Variants in STAM2 observed in about 807,000 individuals in gnomAD.
STAM2 encodes signal transducing adaptor molecule 2.
In STAM2, 51 loss-of-function variants were observed where a neutral mutation model predicts 65.6. The observed-to-expected ratio is 0.78, with a 90% CI of 0.62 to 0.98. The LOEUF is 0.98. Ranked by LOEUF, STAM2 falls within the 50% of genes least tolerant of loss-of-function variation. STAM2 has a pLI of 0.00. For synonymous variants in STAM2, 198 were observed against 208.4 expected (o/e 0.95, Z 0.43); for missense variants, 584 against 617.8 (o/e 0.95, Z 0.58).
In STAM2 at chr2:152,139,382, T is replaced by C. The variant is rs534230887; in HGVS notation, c.705-3779A>G. ...AGGCTAAGCACTGAAATTACAAAGA[T>C]AATTAAGACACCATTTGTGCCCTCA... On this transcript the variant is annotated intron_variant, in intron 7 of 13. Transcript: ENST00000263904. Among the ~76,000 whole-genome samples the C allele has an allele frequency of 9.9e-5, 15 of 152,246 alleles. 1 individual carries two copies. The South Asian group carries it at 3.1e-3, about 32-fold the overall frequency.
Position 152,149,614 on chromosome 2 carries a change from C to T in STAM2, c.125+531G>A, listed in dbSNP as rs549172190. 2.6e-5 allele frequency among the ~76,000 whole-genome samples: 4 copies of T among 151,640 alleles called. No individual in the cohort carries two copies. The South Asian group carries it at 8.3e-4, about 32-fold the overall frequency. On this transcript the variant is annotated intron_variant, in intron 2 of 13. Coordinates refer to ENST00000263904, the MANE Select transcript of STAM2 (RefSeq NM_005843.6). Reference sequence around the variant, plus strand: ...CTGGGTTCAAGCGATTTTCCTGTCTCAGCATCTCAAGTAGCTGGGATTACA... The same window carrying T: ...CTGGGTTCAAGCGATTTTCCTGTCTTAGCATCTCAAGTAGCTGGGATTACA...
chr2:152,173,394 A>G (rs1689937320), intron 1 of STAM2, among the ~76,000 whole-genome samples: 1 of 145,520 alleles, frequency 6.9e-6, no homozygotes, highest in African/African-American at 2.5e-5. Context: ...ATATGTATAC[A>G]TATATATATA....
At chr2:152,144,841 C>A (rs1315270121) in intron 6 of STAM2, 47 bp downstream of exon 6, 1 of 1,553,460 alleles carries the variant, frequency 6.4e-7, no homozygotes, top group African/African-American at 1.4e-5. Context: ...CCAGCCCTGG[C>A]AAAGATATTT....
At chr2:152,171,742 T>C (rs1689902212) in intron 1 of STAM2, among the ~76,000 whole-genome samples, 1 of 152,212 alleles carries the variant, frequency 6.6e-6, no homozygotes, top group African/African-American at 2.4e-5. Context: ...CAGAGTTTTG[T>C]AGAGGTAGAA....
intron 1 of STAM2, among the ~76,000 whole-genome samples, chr2:152,164,622 G>A (rs756495564): frequency 6.6e-6 from 1 of 152,162 alleles, no homozygotes; most frequent in East Asian, 1.9e-4. Context: ...GATTAAAAGC[G>A]TGAGCCACTG....
At chr2:152,144,635 T>G in intron 6 of STAM2, 1 of 322,400 alleles carries the variant, frequency 3.1e-6, no homozygotes, top group Non-Finnish European at 5.8e-6. Context: ...GCCTCCTGGG[T>G]TCAAGCGATT....
At chr2:152,141,735 C>T (rs1262451645) in intron 7 of STAM2, among the ~76,000 whole-genome samples, 4 of 151,666 alleles carry the variant, frequency 2.6e-5, no homozygotes, top group East Asian at 4.0e-4. Context: ...GGACTACAGG[C>T]GTGCGCCACC....
At chr2:152,155,237 T>C (rs1689520510) in intron 1 of STAM2, among the ~76,000 whole-genome samples, 1 of 152,196 alleles carries the variant, frequency 6.6e-6, no homozygotes, top group African/African-American at 2.4e-5. Flanking sequence ...TGTTGGTTGC[T>C]CCTCCACATC....
In STAM2 at chr2:152,116,870, T is replaced by C. The variant is rs1688756443; in HGVS notation, c.*3704A>G. 6.6e-6 allele frequency: 1 copy of C among 152,250 alleles called. No individual in the cohort carries two copies. The highest frequency in any genetic ancestry group is 2.4e-5 in the African/African-American group (1 of 41,466). The allele number at this position is 152,250 out of a possible 1,614,324, so 9.4% of individuals were successfully genotyped here. A position where few individuals can be genotyped will look rare whatever the true frequency, so the allele number is the denominator to read the frequency against. On this transcript the variant is annotated 3_prime_UTR_variant, in exon 14 of 14. Transcript: ENST00000263904. ...TCATCTTATTAGTTCTGCTGTTAAG[T>C]GCCAAATTCATAAACTTTATCATAG...
chr2:152,133,354 A>C (rs1176131917), intron 9 of STAM2, 48 bp downstream of exon 9: 1 of 1,549,234 alleles, frequency 6.5e-7, no homozygotes, highest in East Asian at 2.2e-5. Context: ...AAGATAGTAC[A>C]TTTAAATGTC....
intron 1 of STAM2, among the ~76,000 whole-genome samples, chr2:152,166,515 G>A (rs1689788736): frequency 6.6e-6 from 1 of 152,030 alleles, no homozygotes; most frequent in South Asian, 2.1e-4. Flanking sequence ...ACACCTATAA[G>A]CAGGTGGCCA....
rs977034794 is a variant in STAM2, at chr2:152,120,394, T to C, written c.*180A>G. On this transcript the variant is annotated 3_prime_UTR_variant, in exon 14 of 14. Transcript: ENST00000263904. ...AAGATTGACTTCAAACAAACTGGAC[T>C]GAAAAAAAAAAAAAAAAAAAACCTT... The C allele has an allele frequency of 4.4e-5, 22 of 494,800 alleles. 1 individual carries two copies. The highest frequency in any genetic ancestry group is 1.1e-3 in the Middle Eastern group (2 of 1,898). The allele number at this position is 494,800 out of a possible 1,614,324, so 30.7% of individuals were successfully genotyped here.
intron 5 of STAM2, among the ~76,000 whole-genome samples, chr2:152,145,288 G>C (rs1326803167): frequency 6.6e-6 from 1 of 152,054 alleles, no homozygotes; most frequent in Non-Finnish European, 1.5e-5. Context: ...GGGCTGATCT[G>C]CAACTCTTAG....
In STAM2 at chr2:152,143,830, T is replaced by A; in HGVS notation, c.701A>T (p.Asp234Val). 6.2e-7 allele frequency: 1 copy of A among 1,607,084 alleles called. No homozygotes were observed. Among genetic ancestry groups the A allele is most frequent in the Non-Finnish European group, 8.5e-7 (1 of 1,176,656 alleles). ...KHGEIIIVLD[D>V]SDANWWKGEN... ...CCCATAAAGATTTAAAACTTACCTG[T>A]CATCCAAAACAATAATTATTTCACC... The change falls in exon 7 of 14, where the codon GAC (aspartate) becomes GTC (valine). Residue 234 changes from aspartate (D) to valine (V), a missense_variant. Coordinates refer to ENST00000263904, the MANE Select transcript of STAM2 (RefSeq NM_005843.6).
rs183002400 is a variant in STAM2 at position 152,168,938 on chromosome 2, G to A, written c.40+6665C>T. Among the ~76,000 whole-genome samples, 5 of 152,268 alleles carry A rather than the reference G, an allele frequency of 3.3e-5. No individual in the cohort carries two copies. The East Asian group carries it at 9.6e-4, about 29-fold the overall frequency. ...AAAAATTAATTCCTGGTGGATCAAA[G>A]ACCTAAATGTGAAAATCAAAAGTTT... On this transcript the variant is annotated intron_variant, in intron 1 of 13. Coordinates refer to ENST00000263904, the MANE Select transcript of STAM2 (RefSeq NM_005843.6).
chr2:152,142,386 C>CA (rs1689264700), intron 7 of STAM2, among the ~76,000 whole-genome samples: 1 of 152,114 alleles, frequency 6.6e-6, no homozygotes, highest in Admixed American at 6.5e-5. Flanking sequence ...ATATCTTTAA[C>CA]TTCATAGTTG....
chr2:152,132,917 T>C (rs1376875478), intron 10 of STAM2, among the ~76,000 whole-genome samples: 1 of 152,108 alleles, frequency 6.6e-6, no homozygotes, highest in Non-Finnish European at 1.5e-5. Context: ...ATTCTGTCCT[T>C]TTTTGGACTG....
chr2:152,132,184 T>A lies in STAM2; in HGVS notation c.971-16A>T, dbSNP rs372613382. 3.9e-5 allele frequency: 62 copies of A among 1,592,256 alleles called. No homozygotes were observed. The highest frequency in any genetic ancestry group is 3.3e-4 in the Middle Eastern group (2 of 6,024). On this transcript the variant is annotated splice_polypyrimidine_tract_variant and intron_variant, in intron 10 of 13. Coordinates refer to ENST00000263904, the MANE Select transcript of STAM2 (RefSeq NM_005843.6). ...TGGCAGATATCTGTAAATACAAAAA[T>A]ACTTACAAATATAGAAACTTAATCC... is the stretch of plus-strand genomic sequence containing the variant.
chr2:152,134,653 T>C (rs1689121564), intron 8 of STAM2, among the ~76,000 whole-genome samples: 1 of 152,184 alleles, frequency 6.6e-6, no homozygotes, highest in Non-Finnish European at 1.5e-5. Context: ...CCTGGCTCAA[T>C]CACTTACTAG....
Sources: allele counts gnomAD v4.1 joint callset (sites outside exome capture counted in the v4.1 genomes callset), GRCh38; gene constraint gnomAD v4.1.1; transcripts MANE v1.5; gene names NCBI Gene and HGNC (gene_info 2026-07-23, HGNC 2026-07-21).